Variants in KLHL29 observed in about 807,000 individuals in gnomAD.
The protein encoded by KLHL29 is kelch like family member 29.
In KLHL29, 21 loss-of-function variants were observed where a neutral mutation model predicts 80.4. The observed-to-expected ratio is 0.26, with a 90% CI of 0.19 to 0.38. The LOEUF (loss-of-function observed/expected upper bound fraction) is 0.38, where lower values mean the gene tolerates loss of function less well. Among genes scored for constraint, KLHL29 ranks in the 10% least tolerant of loss-of-function variants. The pLI, the probability that KLHL29 is intolerant of heterozygous loss-of-function variation, is 1.00. For synonymous variants in KLHL29, 511 were observed against 526.8 expected, an observed-to-expected ratio of 0.97 and a Z score of 0.41; for missense variants, 867 against 1,223.9, an observed-to-expected ratio of 0.71 and a Z score of 4.35.
intron 5 of KLHL29, among the ~76,000 whole-genome samples, chr2:23,662,630 G>T (rs1670443460): frequency 6.6e-6 from 1 of 152,106 alleles, no homozygotes; most frequent in African/African-American, 2.4e-5. Context: ...AGAGAGCCCT[G>T]CCCGGCCCCC....
chr2:23,705,765 GAA>G (rs1672678355), intron 13 of KLHL29, among the ~76,000 whole-genome samples: 1 of 152,204 alleles, frequency 6.6e-6, no homozygotes, highest in Non-Finnish European at 1.5e-5. Context: ...TAGCTGAAAT[GAA>G]AGAGTGTCAG....
chr2:23,601,962 G>A (rs889081617), intron 3 of KLHL29, among the ~76,000 whole-genome samples: 3 of 152,168 alleles, frequency 2.0e-5, no homozygotes, highest in African/African-American at 7.2e-5. Flanking sequence ...ACACTCTTGG[G>A]GCTCTGGAGC....
At chr2:23,569,507 G>A (rs1400979225) in intron 3 of KLHL29, among the ~76,000 whole-genome samples, 2 of 152,122 alleles carry the variant, frequency 1.3e-5, no homozygotes, top group Non-Finnish European at 2.9e-5. Context: ...TACTCATGTT[G>A]CAATTAAACA....
chr2:23,498,916 A>G (rs1665351055), intron 2 of KLHL29, among the ~76,000 whole-genome samples: 1 of 152,236 alleles, frequency 6.6e-6, no homozygotes, highest in African/African-American at 2.4e-5. Context: ...TGAAAGTGAC[A>G]GAGCCTACGG....
At chr2:23,643,437 G>A (rs1178927484) in intron 5 of KLHL29, 6 of 173,140 alleles carry the variant, frequency 3.5e-5, no homozygotes, top group Admixed American at 3.3e-4. Flanking sequence ...TGAGACCTTG[G>A]GAAAGAGCAC....
rs1018311890 is a variant in KLHL29, at chr2:23,550,974, C to T, written c.-45-11178C>T. Among the ~76,000 whole-genome samples the T allele has an allele frequency of 2.6e-5, 4 of 152,344 alleles. No homozygotes were observed. In the South Asian group the frequency reaches 8.3e-4, roughly 32 times the overall value. On this transcript the variant is annotated intron_variant, in intron 2 of 13. Coordinates refer to ENST00000486442, the MANE Select transcript of KLHL29 (RefSeq NM_052920.2). The stretch of plus-strand genomic sequence containing the variant: ...AAAATCCATCTCAAAAGACTGGGAT[C>T]GTGTGTTTGCAGGACTACAGGGAAA...
At chr2:23,489,380 AT>A (rs5829900) in intron 2 of KLHL29, among the ~76,000 whole-genome samples, 95,116 of 151,802 alleles carry the variant, frequency 0.63, 29,896 homozygotes, top group Middle Eastern at 0.72. Context: ...CAGAGTCCCT[AT>A]TCCGGTGGCT....
intron 1 of KLHL29, among the ~76,000 whole-genome samples, chr2:23,422,608 C>CTG (rs762016759): frequency 2.7e-5 from 4 of 149,512 alleles, no homozygotes; most frequent in African/African-American, 7.4e-5. Flanking sequence ...TGTTGTGTGC[C>CTG]TGTGTGTGTG....
At chr2:23,416,838 T>C (rs1666990824) in intron 1 of KLHL29, among the ~76,000 whole-genome samples, 1 of 152,214 alleles carries the variant, frequency 6.6e-6, no homozygotes, top group Non-Finnish European at 1.5e-5. Flanking sequence ...CCTAAAACAA[T>C]GGTTCCCAAA....
intron 2 of KLHL29, among the ~76,000 whole-genome samples, chr2:23,510,868 T>C (rs1665751031): frequency 6.6e-6 from 1 of 152,336 alleles, no homozygotes; most frequent in East Asian, 1.9e-4. Context: ...GGACAGCACG[T>C]CACTGCCCTG....
Position 23,493,711 on chromosome 2 carries a change from G to C in KLHL29, c.-46+18044G>C, listed in dbSNP as rs1665175186. Among the ~76,000 whole-genome samples the C allele has an allele frequency of 1.3e-5, 2 of 152,094 alleles. 1 individual carries two copies. The highest frequency in any genetic ancestry group is 4.1e-4 in the South Asian group (2 of 4,820). The stretch of plus-strand genomic sequence containing the variant: ...TGTGCATGTTTATGCGTGTGTGTCT[G>C]TGTCTGTGTGTCCGTGTGGTCACTT... On this transcript the variant is annotated intron_variant, in intron 2 of 13. Coordinates refer to ENST00000486442, the MANE Select transcript of KLHL29 (RefSeq NM_052920.2).
intron 3 of KLHL29, among the ~76,000 whole-genome samples, chr2:23,625,296 G>A (rs1454329868): frequency 3.3e-5 from 5 of 152,238 alleles, no homozygotes; most frequent in African/African-American, 9.6e-5. Context: ...GAAACTTCTC[G>A]TGTCTGCATA....
chr2:23,604,058 C>T (rs556632969), intron 3 of KLHL29, among the ~76,000 whole-genome samples: 8 of 152,308 alleles, frequency 5.3e-5, no homozygotes, highest in African/African-American at 1.7e-4. Flanking sequence ...GGGCAGCCCC[C>T]GAGGGGACCG....
rs570817806 is a variant in KLHL29 at position 23,387,705 on chromosome 2, C to G, written c.-154+1925C>G. 6.2e-4 allele frequency among the ~76,000 whole-genome samples: 94 copies of G among 152,238 alleles called. 4 individuals carry two copies. In the South Asian group the frequency reaches 0.018, roughly 29 times the overall value. On this transcript the variant is annotated intron_variant, in intron 1 of 13. Coordinates refer to ENST00000486442, the MANE Select transcript of KLHL29 (RefSeq NM_052920.2). ...TGCGTGTATTTGATTAGTCCATAATCTAGGTGTTTATACAGGTATGGAGCT... is the reference window on the plus strand; with the variant it reads ...TGCGTGTATTTGATTAGTCCATAATGTAGGTGTTTATACAGGTATGGAGCT...
At chr2:23,529,004 C>T (rs992878943) in intron 2 of KLHL29, among the ~76,000 whole-genome samples, 1 of 152,240 alleles carries the variant, frequency 6.6e-6, no homozygotes, top group African/African-American at 2.4e-5. Context: ...CCCCAGCCCA[C>T]CCTTAAGCCT....
At chr2:23,548,697 T>C (rs1399420974) in intron 2 of KLHL29, among the ~76,000 whole-genome samples, 1 of 152,084 alleles carries the variant, frequency 6.6e-6, no homozygotes, top group Non-Finnish European at 1.5e-5. Flanking sequence ...AAGCAGTGAG[T>C]GCGTGGCATG....
At chr2:23,553,910 G>A (rs958731077) in intron 2 of KLHL29, among the ~76,000 whole-genome samples, 14 of 152,344 alleles carry the variant, frequency 9.2e-5, no homozygotes, top group African/African-American at 1.7e-4. Flanking sequence ...ATGCCAGTCC[G>A]TCGCTGGGGT....
At chr2:23,516,392 A>G (rs532297637) in intron 2 of KLHL29, among the ~76,000 whole-genome samples, 59 of 152,046 alleles carry the variant, frequency 3.9e-4, no homozygotes, top group African/African-American at 1.4e-3. Flanking sequence ...CCCTTAATAC[A>G]CACACGCGCA....
intron 5 of KLHL29, among the ~76,000 whole-genome samples, chr2:23,644,832 C>G (rs890608923): frequency 6.6e-6 from 1 of 152,224 alleles, no homozygotes; most frequent in Non-Finnish European, 1.5e-5. Context: ...GACCGAGGGC[C>G]AGGTGTGAGG....
Sources: allele counts gnomAD v4.1 joint callset (sites outside exome capture counted in the v4.1 genomes callset), GRCh38; gene constraint gnomAD v4.1.1; transcripts MANE v1.5; gene names NCBI Gene and HGNC (gene_info 2026-07-23, HGNC 2026-07-21).